Variants in MYO9A observed in about 807,000 individuals in gnomAD.
MYO9A encodes the protein myosin IXA.
A neutral mutation model predicts 293.3 loss-of-function variants in MYO9A; 103 were observed. That is an observed-to-expected ratio of 0.35 (90% CI 0.30 to 0.41). The LOEUF (loss-of-function observed/expected upper bound fraction) is 0.41, where lower values mean the gene tolerates loss of function less well. MYO9A is among the 10% of genes least tolerant of loss of function. The pLI is 1.00. For synonymous variants in MYO9A, 1,001 were observed against 1,035.7 expected (o/e 0.97, Z 0.64); for missense variants, 2,685 against 3,033.0 (o/e 0.89, Z 2.69).
chr15:71,892,605 T>C (rs1407968540), intron 26 of MYO9A: 1 of 162,306 alleles, frequency 6.2e-6, no homozygotes, highest in Non-Finnish European at 1.4e-5. Context: ...GTGAGTTAAG[T>C]AGTTAAGTTA....
intron 18 of MYO9A, among the ~76,000 whole-genome samples, chr15:71,917,075 A>G (rs533692942): frequency 1.1e-4 from 17 of 152,328 alleles, no homozygotes; most frequent in Admixed American, 2.0e-4. Flanking sequence ...ATTTAGGGAC[A>G]TTTCTGCAAA....
intron 2 of MYO9A, among the ~76,000 whole-genome samples, chr15:72,042,360 A>C (rs548594629): frequency 1.4e-4 from 21 of 152,040 alleles, no homozygotes; most frequent in Non-Finnish European, 2.6e-4. Flanking sequence ...ATGAGAAAGA[A>C]AACAATGTCC....
intron 1 of MYO9A, among the ~76,000 whole-genome samples, chr15:72,116,576 G>A (rs758514340): frequency 1.3e-5 from 2 of 152,250 alleles, no homozygotes; most frequent in Non-Finnish European, 2.9e-5. Context: ...AGCATTCAGG[G>A]ATTAAGGAAT....
At chr15:72,064,548 A>G (rs1215378630) in intron 1 of MYO9A, among the ~76,000 whole-genome samples, 3 of 152,244 alleles carry the variant, frequency 2.0e-5, no homozygotes, top group African/African-American at 7.2e-5. Flanking sequence ...CGGAAACGTT[A>G]CACTTATTTT....
chr15:71,898,751 A>G lies in MYO9A; in HGVS notation c.3752T>C (p.Leu1251Pro). Residue 1251 changes from leucine (L) to proline (P), a missense_variant, in exon 25 of 42, where the codon CTT (leucine) becomes CCT (proline). Leu to Pro is a moderately conservative substitution (Grantham distance 98, BLOSUM62 -3). Coordinates refer to ENST00000356056, the MANE Select transcript of MYO9A (RefSeq NM_006901.4). ...CAAGGATCTGGGTCTCTCTCTTACA[A>G]GCACATCTTCCTGCAAGTCCACACC... ...QSGVDLQEDV[L>P]VRERPRSLED... 6.2e-7 allele frequency: 1 copy of G among 1,614,022 alleles called. No individual in the cohort carries two copies.
In MYO9A at chr15:71,825,094, TATCTC is replaced by T. The variant is rs752140410; in HGVS notation, c.*1481_*1485del. 1.2e-4 allele frequency: 19 copies of T among 152,214 alleles called. No individual in the cohort carries two copies. Among genetic ancestry groups the T allele is most frequent in the African/African-American group, 2.4e-4 (10 of 41,450 alleles). The allele number at this position is 152,214 out of a possible 1,614,324, so 9.4% of individuals were successfully genotyped here. ...TTTAAAAATAAACATTTCACATACT[TATCTC>T]AAGAAAGGCTATCATGTTTCATTTT... On this transcript the variant is annotated 3_prime_UTR_variant, in exon 42 of 42. Coordinates refer to ENST00000356056, the MANE Select transcript of MYO9A (RefSeq NM_006901.4).
In MYO9A at chr15:71,857,142, C is replaced by G. The variant is rs539672847; in HGVS notation, c.6154-2573G>C. On this transcript the variant is annotated intron_variant, in intron 34 of 41. Transcript: ENST00000356056. ...CTTGTGGAAGCAAAATAACAAAATA[C>G]TTTTAGGTATTAAACAAAAACTTTA... is the stretch of plus-strand genomic sequence containing the variant. Among the ~76,000 whole-genome samples the G allele has an allele frequency of 9.9e-5, 15 of 152,098 alleles. No individual in the cohort carries two copies. The East Asian group carries it at 2.9e-3, about 29-fold the overall frequency.
intron 2 of MYO9A, among the ~76,000 whole-genome samples, chr15:72,034,838 C>A (rs2077993611): frequency 6.6e-6 from 1 of 152,072 alleles, no homozygotes; most frequent in African/African-American, 2.4e-5. Context: ...TTGATTCTGC[C>A]CAAGGCTACA....
intron 40 of MYO9A, among the ~76,000 whole-genome samples, chr15:71,829,615 A>ATGGTCATAT (rs1169850823): frequency 6.6e-6 from 1 of 151,696 alleles, no homozygotes; most frequent in African/African-American, 2.4e-5. Flanking sequence ...TGCTGTTCCC[A>ATGGTCATAT]TGGTCATATG....
chr15:72,074,868 A>G (rs1179215440), intron 1 of MYO9A, among the ~76,000 whole-genome samples: 1 of 149,322 alleles, frequency 6.7e-6, no homozygotes, highest in African/African-American at 2.5e-5. Flanking sequence ...CAGAATTAAT[A>G]GTTTAGTCCC....
chr15:71,911,699 C>A (rs2057857038), intron 19 of MYO9A, among the ~76,000 whole-genome samples: 1 of 152,172 alleles, frequency 6.6e-6, no homozygotes, highest in African/African-American at 2.4e-5. Context: ...ACATACAGGT[C>A]CATGCATAAA....
chr15:72,066,430 G>T (rs2079024254), intron 1 of MYO9A, among the ~76,000 whole-genome samples: 1 of 149,006 alleles, frequency 6.7e-6, no homozygotes, highest in African/African-American at 2.5e-5. Context: ...AGGTTGCAGT[G>T]AGCAGAGATC....
At chr15:71,869,532 T>C (rs1476389073) in intron 32 of MYO9A, among the ~76,000 whole-genome samples, 2 of 152,202 alleles carry the variant, frequency 1.3e-5, no homozygotes, top group South Asian at 2.1e-4. Context: ...GTAACAAATA[T>C]CTTGTTAAAA....
intron 1 of MYO9A, among the ~76,000 whole-genome samples, chr15:72,048,216 A>G (rs1376074527): frequency 6.6e-6 from 1 of 151,498 alleles, no homozygotes; most frequent in Admixed American, 6.6e-5. Flanking sequence ...CCTGGCCAAC[A>G]TGGTGAAACC....
chr15:72,099,867 A>C (rs1391670241), intron 1 of MYO9A, among the ~76,000 whole-genome samples: 1 of 126,786 alleles, frequency 7.9e-6, no homozygotes, highest in African/African-American at 3.0e-5. Context: ...GAGCCACTGC[A>C]CTCCAGCCCT....
intron 14 of MYO9A, among the ~76,000 whole-genome samples, chr15:71,957,094 G>A (rs2059220755): frequency 6.6e-6 from 1 of 152,046 alleles, no homozygotes; most frequent in Non-Finnish European, 1.5e-5. Flanking sequence ...GTTCTTCTAA[G>A]TACATACCTA....
At chr15:72,022,827 A>G (rs1053382872) in intron 4 of MYO9A, among the ~76,000 whole-genome samples, 6 of 152,036 alleles carry the variant, frequency 3.9e-5, no homozygotes, top group Non-Finnish European at 8.8e-5. Flanking sequence ...TGGGATTACA[A>G]GCGTGAGTCA....
At chr15:72,019,853 G>C (rs1396884002) in intron 5 of MYO9A, among the ~76,000 whole-genome samples, 1 of 152,100 alleles carries the variant, frequency 6.6e-6, no homozygotes, top group South Asian at 2.1e-4. Context: ...GGGTTGAAGC[G>C]ATTCTCGTGC....
chr15:71,978,777 C>CTT lies in MYO9A; in HGVS notation c.1723-487_1723-486dup, dbSNP rs11414149. On this transcript the variant is annotated intron_variant, in intron 11 of 41. Transcript: ENST00000356056. ...CTTTGGCAAAATATAATCTTTAGGA[C>CTT]TTTTTTTTTTTTTAAAGAAAAGGTT... is the stretch of plus-strand genomic sequence containing the variant. 4.7e-3 allele frequency among the ~76,000 whole-genome samples: 682 copies of CTT among 146,564 alleles called. 4 individuals are homozygous for CTT. The highest frequency in any genetic ancestry group is 9.0e-3 in the African/African-American group (364 of 40,224).
Sources: allele counts gnomAD v4.1 joint callset (sites outside exome capture counted in the v4.1 genomes callset), GRCh38; gene constraint gnomAD v4.1.1; transcripts MANE v1.5; gene names NCBI Gene and HGNC (gene_info 2026-07-23, HGNC 2026-07-21).